The following TAFA1 variants were observed in gnomAD, a reference collection of about 807,000 sequenced individuals.
The protein encoded by TAFA1 is TAFA chemokine like family member 1, also known as chemokine-like protein TAFA-1.
A neutral mutation model predicts 18.5 loss-of-function variants in TAFA1; 4 were observed. The observed-to-expected ratio is 0.22, with a 90% CI of 0.11 to 0.49. TAFA1 has a LOEUF of 0.49. TAFA1 is among the 20% of genes least tolerant of loss of function. The pLI, the probability that TAFA1 is intolerant of heterozygous loss-of-function variation, is 0.98. For synonymous variants in TAFA1, 56 were observed against 55.2 expected, an observed-to-expected ratio of 1.01 and a Z score of -0.06; for missense variants, 147 against 169.0, an observed-to-expected ratio of 0.87 and a Z score of 0.72.
chr3:68,394,924 G>A (rs548779463), intron 2 of TAFA1, among the ~76,000 whole-genome samples: 1 of 152,126 alleles, frequency 6.6e-6, no homozygotes, highest in Admixed American at 6.5e-5. Flanking sequence ...AAAAGCAATT[G>A]CAACAAAAGC....
chr3:68,459,180 G>A (rs1240250300), intron 3 of TAFA1, among the ~76,000 whole-genome samples: 2 of 152,174 alleles, frequency 1.3e-5, no homozygotes, highest in African/African-American at 4.8e-5. Context: ...ATCAGCTGAG[G>A]GCAATTCCCA....
intron 2 of TAFA1, among the ~76,000 whole-genome samples, chr3:68,128,000 T>A (rs146996093): frequency 2.6e-4 from 40 of 152,192 alleles, no homozygotes; most frequent in African/African-American, 9.2e-4. Context: ...TTGGTAATAA[T>A]AATGATAACT....
chr3:68,143,760 A>T (rs1011652359), intron 2 of TAFA1, among the ~76,000 whole-genome samples: 1 of 152,160 alleles, frequency 6.6e-6, no homozygotes, highest in African/African-American at 2.4e-5. Context: ...AAACAGAATG[A>T]ATCTTGTTTT....
At chr3:68,260,263 C>G (rs1445135914) in intron 2 of TAFA1, among the ~76,000 whole-genome samples, 2 of 152,058 alleles carry the variant, frequency 1.3e-5, no homozygotes, top group African/African-American at 4.8e-5. Context: ...TATGTTGAAC[C>G]AGGCTTGCAT....
At chr3:68,063,611 T>G (rs2064634961) in intron 2 of TAFA1, among the ~76,000 whole-genome samples, 1 of 152,152 alleles carries the variant, frequency 6.6e-6, no homozygotes, top group Non-Finnish European at 1.5e-5. Context: ...TTTATACTGT[T>G]GAAATGCAGA....
intron 2 of TAFA1, among the ~76,000 whole-genome samples, chr3:68,018,660 T>C (rs1158977656): frequency 6.6e-6 from 1 of 152,132 alleles, no homozygotes; most frequent in Non-Finnish European, 1.5e-5. Context: ...TGGCACACAG[T>C]GAGGGCCAAA....
At chr3:68,168,473 A>T (rs74605659) in intron 2 of TAFA1, among the ~76,000 whole-genome samples, 3,548 of 152,340 alleles carry the variant, frequency 0.023, 72 homozygotes, top group Middle Eastern at 0.037. Flanking sequence ...ATATAACTTT[A>T]CATTTCTGAA....
intron 2 of TAFA1, among the ~76,000 whole-genome samples, chr3:68,369,118 A>G (rs2069629753): frequency 6.6e-6 from 1 of 152,158 alleles, no homozygotes; most frequent in Admixed American, 6.5e-5. Flanking sequence ...TATAATATCA[A>G]CCTTTCATGC....
intron 2 of TAFA1, among the ~76,000 whole-genome samples, chr3:68,358,807 T>C (rs1186398199): frequency 6.6e-6 from 1 of 151,994 alleles, no homozygotes; most frequent in East Asian, 1.9e-4. Context: ...TGTAGCATAA[T>C]GGAGAAGATG....
At chr3:68,074,605 T>C (rs2064801640) in intron 2 of TAFA1, among the ~76,000 whole-genome samples, 1 of 152,186 alleles carries the variant, frequency 6.6e-6, no homozygotes, top group Non-Finnish European at 1.5e-5. Flanking sequence ...CTGACAAAAC[T>C]TGTAACCCTG....
intron 2 of TAFA1, among the ~76,000 whole-genome samples, chr3:68,254,733 G>C (rs963932267): frequency 6.6e-5 from 10 of 152,188 alleles, no homozygotes; most frequent in African/African-American, 2.2e-4. Flanking sequence ...TTAAGTCCCA[G>C]TTCTCTGAAA....
At chr3:68,407,443 C>T (rs1018789157) in intron 2 of TAFA1, among the ~76,000 whole-genome samples, 3 of 152,108 alleles carry the variant, frequency 2.0e-5, no homozygotes, top group Non-Finnish European at 4.4e-5. Context: ...TTGTATTCTA[C>T]TGTGATTAGG....
At chr3:68,166,423 TC>T (rs919450935) in intron 2 of TAFA1, among the ~76,000 whole-genome samples, 8 of 152,228 alleles carry the variant, frequency 5.3e-5, no homozygotes, top group Non-Finnish European at 1.2e-4. Context: ...TTCAGACTAG[TC>T]CCTTACAATG....
chr3:68,437,951 C>T (rs10433502), intron 3 of TAFA1, among the ~76,000 whole-genome samples: 34,267 of 152,020 alleles, frequency 0.23, 4,618 homozygotes, highest in East Asian at 0.62. Context: ...CCAAGACACA[C>T]GGTGGGAGAG....
chr3:68,423,441 A>G lies in TAFA1; in HGVS notation c.259+6021A>G, dbSNP rs563996738. 4.6e-5 allele frequency among the ~76,000 whole-genome samples: 7 copies of G among 152,256 alleles called. No homozygotes were observed. In the South Asian group the frequency reaches 1.4e-3, roughly 32 times the overall value. ...GCTCATCATTCATCAAGCATAGGCAAACTCTTAACTGACATGAACACAAGT... is the reference window on the plus strand; with the variant it reads ...GCTCATCATTCATCAAGCATAGGCAGACTCTTAACTGACATGAACACAAGT... On this transcript the variant is annotated intron_variant, in intron 3 of 4. Transcript: ENST00000478136.
chr3:68,348,665 A>G (rs1233491135), intron 2 of TAFA1, among the ~76,000 whole-genome samples: 1 of 152,124 alleles, frequency 6.6e-6, no homozygotes, highest in Non-Finnish European at 1.5e-5. Flanking sequence ...ATAAATTGCA[A>G]AGGGCTTCCA....
chr3:68,373,726 G>A (rs140318671), intron 2 of TAFA1, among the ~76,000 whole-genome samples: 2 of 152,232 alleles, frequency 1.3e-5, no homozygotes, highest in South Asian at 2.1e-4. Flanking sequence ...ATCAAGATAC[G>A]AGTCACCATC....
chr3:68,174,222 T>TAAACC (rs1427416774), intron 2 of TAFA1, among the ~76,000 whole-genome samples: 1 of 152,196 alleles, frequency 6.6e-6, no homozygotes, highest in Non-Finnish European at 1.5e-5. Context: ...GTTTAAAAGA[T>TAAACC]AATTGTGGTC....
chr3:68,360,039 A>G (rs368110816), intron 2 of TAFA1, among the ~76,000 whole-genome samples: 4 of 152,124 alleles, frequency 2.6e-5, no homozygotes, highest in Admixed American at 6.6e-5. Flanking sequence ...TGTATTTATC[A>G]GGATCAATCA....
Sources: gnomAD v4.1 joint callset for allele counts (sites outside exome capture counted in the v4.1 genomes callset) on GRCh38, gnomAD v4.1.1 for gene constraint, MANE v1.5 for transcripts, NCBI Gene and HGNC (gene_info 2026-07-23, HGNC 2026-07-21) for gene names.